Variants in MGAT4C observed in about 807,000 individuals in gnomAD.
The protein encoded by MGAT4C is alpha-1,3-mannosyl-glycoprotein 4-beta-N-acetylglucosaminyltransferase C.
Under a neutral mutation model 40.1 loss-of-function variants are expected in MGAT4C, and 19 were observed. The ratio of observed to expected loss-of-function variants is 0.47; its 90% CI spans 0.33 to 0.70. The LOEUF (loss-of-function observed/expected upper bound fraction) is 0.70. Ranked by LOEUF, MGAT4C falls within the 30% of genes least tolerant of loss-of-function variation. The pLI, the probability that MGAT4C is intolerant of heterozygous loss-of-function variation, is 0.02. For synonymous variants in MGAT4C, 181 were observed against 187.1 expected (o/e 0.97, Z 0.27); for missense variants, 491 against 563.2 (o/e 0.87, Z 1.30).
chr12:86,134,185 T>A (rs1881627912), intron 1 of MGAT4C, among the ~76,000 whole-genome samples: 1 of 152,118 alleles, frequency 6.6e-6, no homozygotes, highest in Admixed American at 6.5e-5. Context: ...TCTAATAGTC[T>A]TGTCTAAATA....
chr12:86,244,617 A>T (rs1483180665), intron 1 of MGAT4C, among the ~76,000 whole-genome samples: 1 of 152,188 alleles, frequency 6.6e-6, no homozygotes, highest in Non-Finnish European at 1.5e-5. Context: ...ATCCCAAAAC[A>T]CATAAAGCCT....
intron 2 of MGAT4C, among the ~76,000 whole-genome samples, chr12:86,633,837 AATG>A (rs1303168403): frequency 2.0e-5 from 3 of 152,104 alleles, no homozygotes; most frequent in African/African-American, 7.2e-5. Context: ...TCAGGGATGA[AATG>A]AGATTCTTAG....
In MGAT4C at chr12:85,983,538, G is replaced by A. The variant is rs757238970; in HGVS notation, c.280C>T (p.Pro94Ser). ...GGATACTTACGCTTTCTTTGTAAAG[G>A]TGTGGCAGCTAGGTAGCGATAGGTG... ...NVTYRYLAATPLQRKRYLTIG... is the reference protein window; with the variant it reads ...NVTYRYLAATSLQRKRYLTIG... Residue 94 changes from proline to serine, a missense_variant, in exon 4 of 5, where the codon CCT (proline) becomes TCT (serine). Coordinates refer to ENST00000611864, the MANE Select transcript of MGAT4C (RefSeq NM_001351288.2). 2 of 1,575,168 alleles carry A rather than the reference G, an allele frequency of 1.3e-6. No homozygotes were observed. Among genetic ancestry groups the A allele is most frequent in the South Asian group, 2.4e-5 (2 of 83,714 alleles).
At chr12:86,507,867 T>A (rs987298127) in intron 2 of MGAT4C, among the ~76,000 whole-genome samples, 32 of 152,122 alleles carry the variant, frequency 2.1e-4, no homozygotes, top group African/African-American at 7.7e-4. Context: ...TTTTTCTTTT[T>A]TAAGATTGTT....
At chr12:86,617,926 A>G (rs1324768264) in intron 2 of MGAT4C, among the ~76,000 whole-genome samples, 1 of 152,190 alleles carries the variant, frequency 6.6e-6, no homozygotes, top group African/African-American at 2.4e-5. Context: ...ATACTTGCAA[A>G]CTATTCATTT....
chr12:86,488,458 C>G lies in MGAT4C; in HGVS notation c.-228-53193G>C, dbSNP rs186549778. Among the ~76,000 whole-genome samples the G allele has an allele frequency of 6.8e-4, 102 of 150,992 alleles. 2 individuals carry two copies. Among genetic ancestry groups the G allele is most frequent in the African/African-American group, 2.4e-3 (99 of 41,252 alleles). On this transcript the variant is annotated intron_variant, in intron 2 of 7. Transcript: ENST00000548651. The stretch of plus-strand genomic sequence containing the variant: ...AAAAAACAAAAAACCCAAAATGAAA[C>G]AAAACATCATTCACTAATTTATCTA...
chr12:86,518,109 C>A (rs956085221), intron 2 of MGAT4C, among the ~76,000 whole-genome samples: 3 of 152,096 alleles, frequency 2.0e-5, no homozygotes, highest in Admixed American at 6.5e-5. Flanking sequence ...TAAAAACTGT[C>A]AAATAAACCA....
At chr12:85,996,065 A>G (rs751008751) in intron 2 of MGAT4C, among the ~76,000 whole-genome samples, 2 of 152,206 alleles carry the variant, frequency 1.3e-5, no homozygotes, top group African/African-American at 2.4e-5. Context: ...GAACTTAAGA[A>G]CATAAAAATC....
At chr12:86,722,255 C>T (rs1161750219) in intron 2 of MGAT4C, among the ~76,000 whole-genome samples, 1 of 152,086 alleles carries the variant, frequency 6.6e-6, no homozygotes. Flanking sequence ...TGTAGCATTG[C>T]TACAGGCCAG....
rs1391841393 is a variant in MGAT4C, at chr12:85,980,015, G to C, written c.711C>G (p.Ile237Met). The change falls in exon 5 of 5, where the codon ATC becomes ATG. Residue 237 changes from isoleucine (I) to methionine (M), a missense_variant. Transcript: ENST00000611864. ...VRCSKNFLTA[I>M]KKVIASLEGT... ...CTTCTAGGGATGCAATGACTTTCTT[G>C]ATGGCAGTTAAGAAATTTTTTGAAC... 6.2e-7 allele frequency: 1 copy of C among 1,613,604 alleles called. No homozygotes were observed. Among genetic ancestry groups the C allele is most frequent in the South Asian group, 1.1e-5 (1 of 91,070 alleles).
chr12:86,272,357 C>T (rs1260748653), intron 4 of MGAT4C, among the ~76,000 whole-genome samples: 2 of 152,080 alleles, frequency 1.3e-5, no homozygotes, highest in South Asian at 4.1e-4. Flanking sequence ...AATGTTGGTA[C>T]ACAGACATGT....
intron 1 of MGAT4C, among the ~76,000 whole-genome samples, chr12:86,166,493 G>A (rs1039352854): frequency 1.3e-4 from 20 of 152,108 alleles, no homozygotes; most frequent in African/African-American, 7.2e-5. Flanking sequence ...CCAGTATGGC[G>A]AAACCCCATC....
intron 2 of MGAT4C, among the ~76,000 whole-genome samples, chr12:86,488,762 G>T (rs1958073507): frequency 6.6e-6 from 1 of 152,120 alleles, no homozygotes. Flanking sequence ...ATATATCAGA[G>T]CACATTATAT....
chr12:86,192,952 A>G (rs1889693407), intron 1 of MGAT4C, among the ~76,000 whole-genome samples: 1 of 152,060 alleles, frequency 6.6e-6, no homozygotes, highest in African/African-American at 2.4e-5. Flanking sequence ...TTATTGCTCT[A>G]TCAAATCTTT....
chr12:86,123,467 T>C (rs1400199197), intron 1 of MGAT4C, among the ~76,000 whole-genome samples: 3 of 152,166 alleles, frequency 2.0e-5, no homozygotes, highest in East Asian at 3.8e-4. Context: ...AGAGAATCTA[T>C]GACTTCAGCC....
At chr12:86,787,195 C>T (rs995619010) in intron 1 of MGAT4C, among the ~76,000 whole-genome samples, 9 of 152,068 alleles carry the variant, frequency 5.9e-5, no homozygotes, top group East Asian at 1.9e-4. Context: ...TCTCTATGTT[C>T]GTGTGTACAC....
intron 2 of MGAT4C, among the ~76,000 whole-genome samples, chr12:86,715,977 G>A (rs1950639356): frequency 6.6e-6 from 1 of 152,058 alleles, no homozygotes; most frequent in African/African-American, 2.4e-5. Context: ...TAGAAATTGT[G>A]CTATTATTTG....
intron 2 of MGAT4C, among the ~76,000 whole-genome samples, chr12:86,705,203 A>C (rs1950432213): frequency 6.8e-6 from 1 of 147,936 alleles, no homozygotes; most frequent in Admixed American, 7.0e-5. Flanking sequence ...TTATCTATCT[A>C]TCTGTCTATT....
rs138096890 is a variant in MGAT4C at position 86,205,073 on chromosome 12, A to G, written c.-57+51166T>C. 5.9e-3 allele frequency among the ~76,000 whole-genome samples: 904 copies of G among 152,014 alleles called. 5 individuals are homozygous for G. The highest frequency in any genetic ancestry group is 0.01 in the Middle Eastern group (3 of 292). ...CAGTAACTCTATTCTACATGTATAT[A>G]AAAATAAAAATGTAAAAATTTGGAT... On this transcript the variant is annotated intron_variant, in intron 1 of 4. Transcript: ENST00000611864.
Sources: allele counts gnomAD v4.1 joint callset (sites outside exome capture counted in the v4.1 genomes callset), GRCh38; gene constraint gnomAD v4.1.1; transcripts MANE v1.5; gene names NCBI Gene and HGNC (gene_info 2026-07-23, HGNC 2026-07-21).